Variants in TNRC6B observed in about 807,000 individuals in gnomAD.
The protein encoded by TNRC6B is trinucleotide repeat-containing gene 6B protein.
TNRC6B carries 52 observed loss-of-function variants against 203.6 expected under a neutral mutation model. That is an observed-to-expected ratio of 0.26 (90% confidence interval 0.20 to 0.32). The LOEUF is 0.32. Ranked by LOEUF, TNRC6B falls within the 10% of genes least tolerant of loss-of-function variation. The pLI is 1.00. For synonymous variants in TNRC6B, 838 were observed against 845.7 expected (o/e 0.99, Z 0.16); for missense variants, 1,923 against 2,286.2 (o/e 0.84, Z 3.24).
At chr22:40,154,872 T>A (rs1300866088) in intron 3 of TNRC6B, among the ~76,000 whole-genome samples, 35 of 42,662 alleles carry the variant, frequency 8.2e-4, no homozygotes, top group African/African-American at 3.2e-3. Context: ...TATATATATA[T>A]ATATATATAT....
chr22:40,244,947 C>T (rs2070084956), intron 1 of TNRC6B, among the ~76,000 whole-genome samples: 1 of 152,194 alleles, frequency 6.6e-6, no homozygotes, highest in African/African-American at 2.4e-5. Flanking sequence ...TCAGATTCAG[C>T]ACATTTCTCC....
In TNRC6B at chr22:40,262,163, G is replaced by A; in HGVS notation, c.447G>A (p.Gly149=). 2 of 1,412,630 alleles carry A rather than the reference G, an allele frequency of 1.4e-6. No homozygotes were observed. The highest frequency in any genetic ancestry group is 9.4e-7 in the Non-Finnish European group (1 of 1,064,974). 87.5% of individuals were successfully genotyped at this position (1,412,630 alleles called of 1,614,324 possible). Residue 149 remains glycine, a synonymous_variant, in exon 4 of 23, where the codon GGG becomes GGA. Transcript: ENST00000454349. ...VTGALLQSES[G]TAPDSTLGGA... Reference sequence around the variant, plus strand: ...GAGCGCTGCTGCAGAGTGAGAGTGGGACTGCGCCAGGTAAGGCACCCTGTG... The same window carrying A: ...GAGCGCTGCTGCAGAGTGAGAGTGGAACTGCGCCAGGTAAGGCACCCTGTG...
At position 40,308,572 on chromosome 22, in the gene TNRC6B, C is replaced by CT. The variant is rs778974971; in HGVS notation, c.4182dup (p.Arg1395SerfsTer3). Reference sequence around the variant, plus strand: ...GGTGGGAAGGAGGCTGGAACCGAGTCTCGCTTTAAACAGTGGACCTCCATG... The same window carrying CT: ...GGTGGGAAGGAGGCTGGAACCGAGTCTTCGCTTTAAACAGTGGACCTCCATG... On this transcript the variant is annotated frameshift_variant, in exon 16 of 23. Coordinates refer to ENST00000454349, the MANE Select transcript of TNRC6B (RefSeq NM_001162501.2). LOFTEE classifies it high-confidence loss of function. The CT allele has an allele frequency of 6.2e-7, 1 of 1,613,908 alleles. No homozygotes were observed. The highest frequency in any genetic ancestry group is 8.5e-7 in the Non-Finnish European group (1 of 1,179,908).
Position 40,265,864 on chromosome 22 carries a change from CCCTCCCTGAAAA to C in TNRC6B, c.1637_1648del (p.Leu546_Asn549del), listed in dbSNP as rs2070471117. The C allele has an allele frequency of 6.2e-7, 1 of 1,613,870 alleles. No individual in the cohort carries two copies. The highest frequency in any genetic ancestry group is 8.5e-7 in the Non-Finnish European group (1 of 1,179,908). ...GCATGGGACAATCAAAAGGGCCACC[CCCTCCCTGAAAA>C]CCAAGGCAATGCCCAGGCTCCCTGT... On this transcript the variant is annotated inframe_deletion, in exon 5 of 23. Transcript: ENST00000454349.
rs182638250 is a variant in TNRC6B, at chr22:40,305,127, G to A, written c.4121-3385G>A. On this transcript the variant is annotated intron_variant, in intron 15 of 22. Coordinates refer to ENST00000454349, the MANE Select transcript of TNRC6B (RefSeq NM_001162501.2). ...AGTCGTGAACAGACCATGAATTAGGGTGTGTGGAGAATGAGAGAGAGTAAT... is the reference window on the plus strand; with the variant it reads ...AGTCGTGAACAGACCATGAATTAGGATGTGTGGAGAATGAGAGAGAGTAAT... Among the ~76,000 whole-genome samples, 235 of 152,290 alleles carry A rather than the reference G, an allele frequency of 1.5e-3. 1 individual carries two copies. Among genetic ancestry groups the A allele is most frequent in the Non-Finnish European group, 6.0e-4 (41 of 68,022 alleles).
chr22:40,270,313 CTTTTTTTTTT>C (rs372710238), intron 6 of TNRC6B, 33 bp downstream of exon 6: 9 of 1,218,552 alleles, frequency 7.4e-6, no homozygotes, highest in Non-Finnish European at 9.4e-6. Context: ...TTGAGGGATC[CTTTTTTTTTT>C]TTTTTTTTAA....
At chr22:40,152,107 A>T (rs2068763166) in intron 3 of TNRC6B, among the ~76,000 whole-genome samples, 4 of 152,218 alleles carry the variant, frequency 2.6e-5, no homozygotes, top group Admixed American at 2.6e-4. Context: ...CTAAGGATAA[A>T]TGAAAGCTCC....
At chr22:40,196,678 T>C (rs1245921886) in intron 1 of TNRC6B, among the ~76,000 whole-genome samples, 1 of 151,690 alleles carries the variant, frequency 6.6e-6, no homozygotes, top group Admixed American at 6.6e-5. Context: ...TTTTTTCTGG[T>C]TTCCCTTTGT....
intron 1 of TNRC6B, among the ~76,000 whole-genome samples, chr22:40,213,834 A>C (rs192976277): frequency 6.6e-6 from 1 of 152,350 alleles, no homozygotes; most frequent in African/African-American, 2.4e-5. Flanking sequence ...AGCTAATCCA[A>C]AGTCAACTGA....
At chr22:40,209,876 G>A (rs748231299) in intron 1 of TNRC6B, among the ~76,000 whole-genome samples, 8 of 152,024 alleles carry the variant, frequency 5.3e-5, no homozygotes, top group African/African-American at 9.7e-5. Context: ...AAAATGAACC[G>A]GACATGGTGA....
chr22:40,190,269 C>T (rs865995298), intron 1 of TNRC6B, among the ~76,000 whole-genome samples: 3 of 152,068 alleles, frequency 2.0e-5, no homozygotes, highest in African/African-American at 7.2e-5. Context: ...ATTCTACATT[C>T]GTGTCTGAAA....
At chr22:40,318,610 A>G (rs1157087674) in intron 21 of TNRC6B, among the ~76,000 whole-genome samples, 1 of 152,154 alleles carries the variant, frequency 6.6e-6, no homozygotes, top group African/African-American at 2.4e-5. Context: ...TGACTGAAAT[A>G]TGAAGAATCT....
intron 3 of TNRC6B, among the ~76,000 whole-genome samples, chr22:40,154,860 A>AAATATAT (rs1555885936): frequency 4.2e-5 from 1 of 23,590 alleles, no homozygotes; most frequent in Admixed American, 7.5e-4. Flanking sequence ...AAAAAAAAAA[A>AAATATAT]ATATATATAT....
intron 3 of TNRC6B, among the ~76,000 whole-genome samples, chr22:40,143,632 G>A (rs2068663749): frequency 6.6e-6 from 1 of 151,950 alleles, no homozygotes; most frequent in Non-Finnish European, 1.5e-5. Context: ...GAGTAGCTGG[G>A]ACTACAGGCG....
At chr22:40,207,909 G>C (rs1211612375) in intron 1 of TNRC6B, among the ~76,000 whole-genome samples, 1 of 151,980 alleles carries the variant, frequency 6.6e-6, no homozygotes, top group East Asian at 1.9e-4. Context: ...TCAGGAGATA[G>C]AGACCATCCT....
intron 7 of TNRC6B, among the ~76,000 whole-genome samples, chr22:40,274,422 C>CTTTTTTTTTTTTTTTTTTTTTTTTTT (rs374621260): frequency 2.8e-5 from 4 of 140,688 alleles, no homozygotes; most frequent in African/African-American, 1.0e-4. Context: ...AATGATATCT[C>CTTTTTTTTTTTTTTTTTTTTTTTTTT]TTTTTTTTTT....
intron 1 of TNRC6B, among the ~76,000 whole-genome samples, chr22:40,197,157 C>T (rs776046913): frequency 2.0e-5 from 3 of 152,098 alleles, no homozygotes; most frequent in Non-Finnish European, 4.4e-5. Context: ...ACGGGAACAG[C>T]TTGCTGGCTT....
intron 11 of TNRC6B, among the ~76,000 whole-genome samples, chr22:40,282,693 A>G (rs2070733812): frequency 6.6e-6 from 1 of 152,302 alleles, no homozygotes; most frequent in East Asian, 1.9e-4. Context: ...GATTGCTACA[A>G]AGTCCATTGT....
intron 1 of TNRC6B, among the ~76,000 whole-genome samples, chr22:40,188,907 T>A (rs1217879835): frequency 6.6e-6 from 1 of 152,202 alleles, no homozygotes; most frequent in African/African-American, 2.4e-5. Flanking sequence ...CCTAACAAGC[T>A]AATTCCAACC....
Sources: allele counts gnomAD v4.1 joint callset (sites outside exome capture counted in the v4.1 genomes callset), GRCh38; gene constraint gnomAD v4.1.1; transcripts MANE v1.5; gene names NCBI Gene and HGNC (gene_info 2026-07-23, HGNC 2026-07-21).